Variants in C7 observed in about 807,000 individuals in gnomAD.
C7 encodes complement C7.
In C7, 83 loss-of-function variants were observed where a neutral mutation model predicts 104.8. The ratio of observed to expected loss-of-function variants is 0.79; its 90% CI spans 0.66 to 0.95. The LOEUF is 0.95. Ranked by LOEUF, C7 falls within the 40% of genes least tolerant of loss-of-function variation. The pLI is 0.00. For missense variants in C7, 1,070 were observed against 1,011.2 expected, an observed-to-expected ratio of 1.06 and a Z score of -0.79; for synonymous variants, 415 against 360.6, an observed-to-expected ratio of 1.15 and a Z score of -1.71.
intron 13 of C7, among the ~76,000 whole-genome samples, chr5:40,963,215 G>A (rs868533240): frequency 6.6e-6 from 1 of 152,252 alleles, no homozygotes; most frequent in South Asian, 2.1e-4. Context: ...GGCTGCATCC[G>A]AATGACTCAG....
intron 7 of C7, among the ~76,000 whole-genome samples, chr5:40,947,092 C>T (rs541192697): frequency 5.4e-4 from 76 of 139,652 alleles, no homozygotes; most frequent in African/African-American, 2.0e-3. Flanking sequence ...CATAGCATTA[C>T]TCAGATTTTT....
At chr5:40,956,534 G>A (rs1384989749) in intron 10 of C7, among the ~76,000 whole-genome samples, 1 of 152,166 alleles carries the variant, frequency 6.6e-6, no homozygotes, top group East Asian at 1.9e-4. Context: ...GGACATAGTT[G>A]TACATAAGAA....
intron 12 of C7, among the ~76,000 whole-genome samples, chr5:40,961,366 G>T (rs1168311067): frequency 6.6e-6 from 1 of 151,500 alleles, no homozygotes; most frequent in Admixed American, 6.6e-5. Flanking sequence ...CTCTTTTGGG[G>T]TCACTAACTC....
chr5:40,937,903 T>C (rs181368479), intron 6 of C7, among the ~76,000 whole-genome samples: 47 of 152,316 alleles, frequency 3.1e-4, no homozygotes, highest in Admixed American at 2.9e-3. Flanking sequence ...CAAGCTGACA[T>C]ATCCTTATAC....
intron 16 of C7, among the ~76,000 whole-genome samples, chr5:40,977,645 G>A (rs1740847341): frequency 6.6e-6 from 1 of 152,176 alleles, no homozygotes; most frequent in Non-Finnish European, 1.5e-5. Flanking sequence ...CAACTGCACT[G>A]TCCTTCCTGC....
intron 14 of C7, among the ~76,000 whole-genome samples, chr5:40,969,773 T>TA (rs1375398277): frequency 6.7e-6 from 1 of 148,866 alleles, no homozygotes; most frequent in Admixed American, 6.7e-5. Flanking sequence ...CATATTTTCT[T>TA]TTTTTTTTTA....
intron 1 of C7, among the ~76,000 whole-genome samples, chr5:40,920,507 G>A (rs1579838354): frequency 7.6e-6 from 1 of 131,792 alleles, no homozygotes; most frequent in Non-Finnish European, 1.6e-5. Context: ...TGAGTAAAAA[G>A]ATTGAATCTG....
At chr5:40,964,014 A>G (rs1289067325) in intron 13 of C7, among the ~76,000 whole-genome samples, 1 of 134,344 alleles carries the variant, frequency 7.4e-6, no homozygotes, top group Non-Finnish European at 1.6e-5. Flanking sequence ...TGAACAGCTC[A>G]TAATACTTTT....
chr5:40,978,303 T>TGGAAA, intron 16 of C7, among the ~76,000 whole-genome samples: 1 of 152,308 alleles, frequency 6.6e-6, no homozygotes, highest in Middle Eastern at 3.4e-3. Flanking sequence ...AATGGCGTGA[T>TGGAAA]GGAAATGGTG....
intron 8 of C7, among the ~76,000 whole-genome samples, chr5:40,949,323 T>C (rs1740115660): frequency 6.6e-6 from 1 of 150,860 alleles, no homozygotes; most frequent in African/African-American, 2.4e-5. Flanking sequence ...TTGCACATTT[T>C]AGTATTTTTC....
intron 1 of C7, among the ~76,000 whole-genome samples, chr5:40,916,510 C>T (rs567457109): frequency 1.8e-4 from 27 of 152,204 alleles, no homozygotes; most frequent in Non-Finnish European, 3.4e-4. Flanking sequence ...GGTATCCCTC[C>T]GGAGTGCTGT....
chr5:40,915,625 A>G (rs2111610965), intron 1 of C7, among the ~76,000 whole-genome samples: 1 of 152,322 alleles, frequency 6.6e-6, no homozygotes, highest in African/African-American at 2.4e-5. Context: ...AAACGTCTTA[A>G]AAACTTATAC....
intron 1 of C7, among the ~76,000 whole-genome samples, chr5:40,913,268 G>C (rs1333085080): frequency 6.6e-6 from 1 of 152,162 alleles, no homozygotes; most frequent in Non-Finnish European, 1.5e-5. Context: ...AAACATACGA[G>C]TACGGGTATC....
intron 15 of C7, among the ~76,000 whole-genome samples, 152 bp downstream of exon 15, chr5:40,972,746 G>A (rs1740728400): frequency 6.6e-6 from 1 of 152,120 alleles, no homozygotes; most frequent in Admixed American, 6.6e-5. Flanking sequence ...CTGAGTAACA[G>A]ATTTTCTTCA....
At chr5:40,968,549 TAAAAC>T (rs1018310358) in intron 14 of C7, among the ~76,000 whole-genome samples, 2 of 120,314 alleles carry the variant, frequency 1.7e-5, no homozygotes, top group African/African-American at 2.8e-5. Flanking sequence ...TTTTTCAACT[TAAAAC>T]AATTATATAT....
Position 40,959,502 on chromosome 5 carries a change from G to T in C7, c.1543G>T (p.Gly515Trp). ...GTCCTCTTGGAGCCCCTGTGTCCAA[G>T]GGAAGAAAACAAGAAGCCGTGAATG... is the stretch of plus-strand genomic sequence containing the variant. Reference protein sequence around the residue: ...CWSSWSPCVQGKKTRSRECNN... With the variant: ...CWSSWSPCVQWKKTRSRECNN... The change falls in exon 12 of 18, where the codon GGG becomes TGG. Residue 515 changes from glycine (G) to tryptophan (W), a missense_variant. Gly to Trp is a radical substitution (Grantham distance 184). Coordinates refer to ENST00000313164, the MANE Select transcript of C7 (RefSeq NM_000587.4). 1 of 1,611,558 alleles carries T rather than the reference G, an allele frequency of 6.2e-7. No individual in the cohort carries two copies. Among genetic ancestry groups the T allele is most frequent in the South Asian group, 1.1e-5 (1 of 90,724 alleles).
At chr5:40,962,891 T>C (rs1265621698) in intron 13 of C7, among the ~76,000 whole-genome samples, 1 of 152,148 alleles carries the variant, frequency 6.6e-6, no homozygotes, top group East Asian at 1.9e-4. Flanking sequence ...CCCAGGCCCT[T>C]GAACATGCAT....
In C7 at chr5:40,959,625, T is replaced by C. The variant is rs1740383939; in HGVS notation, c.1661+5T>C. The C allele has an allele frequency of 6.3e-7, 1 of 1,576,800 alleles. No homozygotes were observed. The highest frequency in any genetic ancestry group is 8.6e-7 in the Non-Finnish European group (1 of 1,161,594). On this transcript the variant is annotated splice_donor_5th_base_variant and intron_variant, in intron 12 of 17. Coordinates refer to ENST00000313164, the MANE Select transcript of C7 (RefSeq NM_000587.4). ...TGAGGAGCTGGAGCACTTGAGGTAATGGAGACCCGACCCCCTGGCAGTTGC... is the reference window on the plus strand; with the variant it reads ...TGAGGAGCTGGAGCACTTGAGGTAACGGAGACCCGACCCCCTGGCAGTTGC...
rs754186347 is a variant in C7, at chr5:40,950,022, G to C, written c.1093+8G>C. 2.6e-6 allele frequency: 4 copies of C among 1,520,922 alleles called. No individual in the cohort carries two copies. Among genetic ancestry groups the C allele is most frequent in the Non-Finnish European group, 3.6e-6 (4 of 1,115,522 alleles). The allele number at this position is 1,520,922 out of a possible 1,614,324, so 94.2% of individuals were successfully genotyped here. ...CTTTAAAAGCTGCTTCAGGTAAATGGAAAAAGAGCAGTTTGCATTGCAAGC... is the reference window on the plus strand; with the variant it reads ...CTTTAAAAGCTGCTTCAGGTAAATGCAAAAAGAGCAGTTTGCATTGCAAGC... On this transcript the variant is annotated splice_region_variant and intron_variant, in intron 9 of 17. Transcript: ENST00000313164.
Sources: allele counts gnomAD v4.1 joint callset (sites outside exome capture counted in the v4.1 genomes callset), GRCh38; gene constraint gnomAD v4.1.1; transcripts MANE v1.5; gene names NCBI Gene and HGNC (gene_info 2026-07-23, HGNC 2026-07-21).